TTC17: variants seen among roughly 807,000 people sequenced by gnomAD.
TTC17 encodes the protein tetratricopeptide repeat domain 17, also known as tetratricopeptide repeat protein 17.
In TTC17, 58 loss-of-function variants were observed where a neutral mutation model predicts 143.8. The observed-to-expected ratio is 0.40, with a 90% CI of 0.33 to 0.50. The LOEUF is 0.50. Among genes scored for constraint, TTC17 ranks in the 20% least tolerant of loss-of-function variants. The probability of loss-of-function intolerance (pLI) is 0.49; values close to 1 mark genes in which losing one functional copy is unlikely to be tolerated. For missense variants in TTC17, 1,273 were observed against 1,392.5 expected (o/e 0.91, Z 1.37); for synonymous variants, 501 against 497.8 (o/e 1.01, Z -0.09).
chr11:43,437,272 T>G (rs1051761383), intron 16 of TTC17, among the ~76,000 whole-genome samples: 1 of 152,214 alleles, frequency 6.6e-6, no homozygotes, highest in Admixed American at 6.5e-5. Flanking sequence ...GGCACCACTG[T>G]ATCCAGTCAG....
At chr11:43,423,013 T>A (rs1032022205) in intron 16 of TTC17, among the ~76,000 whole-genome samples, 1 of 152,030 alleles carries the variant, frequency 6.6e-6, no homozygotes, top group Non-Finnish European at 1.5e-5. Flanking sequence ...AATTCTTGAG[T>A]AGACAGGAGG....
chr11:43,377,377 A>C (rs745873614), intron 1 of TTC17, among the ~76,000 whole-genome samples: 2 of 152,216 alleles, frequency 1.3e-5, no homozygotes, highest in Non-Finnish European at 1.5e-5. Flanking sequence ...TTGGCATATA[A>C]CTGTATTTAC....
Position 43,398,889 on chromosome 11 carries a change from A to G in TTC17, c.1058+776A>G, listed in dbSNP as rs186714692. On this transcript the variant is annotated intron_variant, in intron 8 of 23. Transcript: ENST00000039989. The stretch of plus-strand genomic sequence containing the variant: ...TGTGGTAGGAAGTAAAAAGGATGCC[A>G]GCTTGCTTATTCATAACTGGTTTCT... Among the ~76,000 whole-genome samples, 49 of 152,348 alleles carry G rather than the reference A, an allele frequency of 3.2e-4. No individual in the cohort carries two copies. The Middle Eastern group carries it at 0.01, about 32-fold the overall frequency.
chr11:43,417,031 A>G (rs974726796), intron 16 of TTC17, among the ~76,000 whole-genome samples: 27 of 152,200 alleles, frequency 1.8e-4, no homozygotes, highest in African/African-American at 5.8e-4. Flanking sequence ...TATGTATGCT[A>G]TAGCATTTTC....
chr11:43,384,345 G>A (rs1328698456), intron 2 of TTC17, among the ~76,000 whole-genome samples: 1 of 152,124 alleles, frequency 6.6e-6, no homozygotes, highest in Admixed American at 6.6e-5. Context: ...ATGGTTTCTT[G>A]TTTTGGTTTT....
intron 21 of TTC17, among the ~76,000 whole-genome samples, chr11:43,473,894 A>G (rs1948136420): frequency 6.6e-6 from 1 of 151,838 alleles, no homozygotes; most frequent in South Asian, 2.1e-4. Flanking sequence ...AAAAAAAAAA[A>G]AAAAAGAAAG....
Position 43,492,156 on chromosome 11 carries a change from T to A in TTC17, c.3287T>A (p.Val1096Glu), listed in dbSNP as rs1265346198. The part of the protein sequence containing the change: ...VNHFTLGNVY[V>E]AMEEFEKALV... ...CACTTCACTCTGGGCAATGTCTACG[T>A]GGCAATGGTGAGATGGGGGTGTGAG... Residue 1096 changes from valine to glutamate, a missense_variant, in exon 23 of 24, where the codon GTG becomes GAG. Coordinates refer to ENST00000039989, the MANE Select transcript of TTC17 (RefSeq NM_018259.6). The A allele has an allele frequency of 2.5e-6, 4 of 1,614,058 alleles. No individual in the cohort carries two copies. Among genetic ancestry groups the A allele is most frequent in the Non-Finnish European group, 3.4e-6 (4 of 1,179,954 alleles).
intron 16 of TTC17, chr11:43,436,086 G>C (rs1947286071): frequency 8.4e-7 from 1 of 1,192,010 alleles, no homozygotes; most frequent in Non-Finnish European, 1.1e-6. Flanking sequence ...TGCTCTTCTT[G>C]ATATTTTAGG....
At position 43,401,518 on chromosome 11, in the gene TTC17, A is replaced by C; in HGVS notation, c.1292A>C (p.Tyr431Ser). The change falls in exon 10 of 24, where the codon TAT (tyrosine) becomes TCT (serine). Residue 431 changes from tyrosine to serine, a missense_variant. Tyr to Ser is a moderately radical substitution (Grantham distance 144). This residue lies in a region of TTC17 where 878 missense variants were observed against 899.8 expected (regional missense o/e 0.98). Coordinates refer to ENST00000039989, the MANE Select transcript of TTC17 (RefSeq NM_018259.6). Reference sequence around the variant, plus strand: ...TGCCAGTGGGACCAGCCTGTACGCTATCATCGTGGAGATATCTTTGAAAAT... The same window carrying C: ...TGCCAGTGGGACCAGCCTGTACGCTCTCATCGTGGAGATATCTTTGAAAAT... ...LHCQWDQPVR[Y>S]HRGDIFENVD... 1 of 1,613,576 alleles carries C rather than the reference A, an allele frequency of 6.2e-7. No homozygotes were observed. The highest frequency in any genetic ancestry group is 1.1e-5 in the South Asian group (1 of 90,926).
intron 2 of TTC17, among the ~76,000 whole-genome samples, chr11:43,389,195 G>A (rs1857287392): frequency 6.6e-6 from 1 of 152,000 alleles, no homozygotes; most frequent in Non-Finnish European, 1.5e-5. Context: ...ATAGATACGG[G>A]TGGTGAAAAT....
At chr11:43,416,130 T>A (rs1946772962) in intron 16 of TTC17, among the ~76,000 whole-genome samples, 1 of 152,170 alleles carries the variant, frequency 6.6e-6, no homozygotes, top group Admixed American at 6.6e-5. Context: ...TTGTGAATTT[T>A]TATCTTCTTA....
intron 21 of TTC17, among the ~76,000 whole-genome samples, chr11:43,489,579 A>G (rs919045960): frequency 1.3e-5 from 2 of 152,098 alleles, no homozygotes; most frequent in Admixed American, 1.3e-4. Context: ...CTCTACTAAA[A>G]ATACAAAAAT....
At chr11:43,387,950 A>G (rs946520609) in intron 2 of TTC17, among the ~76,000 whole-genome samples, 13 of 152,232 alleles carry the variant, frequency 8.5e-5, no homozygotes, top group African/African-American at 3.1e-4. Flanking sequence ...AAAACCAAAC[A>G]TTGCTAAGAT....
At chr11:43,423,838 G>C (rs569897068) in intron 16 of TTC17, among the ~76,000 whole-genome samples, 68 of 152,206 alleles carry the variant, frequency 4.5e-4, no homozygotes, top group Non-Finnish European at 7.5e-4. Flanking sequence ...GGGTTTAACA[G>C]TTTAGAAATC....
Position 43,399,951 on chromosome 11 carries a change from A to T in TTC17, c.1122A>T (p.Arg374Ser). The change falls in exon 9 of 24, where the codon AGA (arginine) becomes AGT (serine). Residue 374 changes from arginine to serine, a missense_variant. Transcript: ENST00000039989. The part of the protein sequence containing the change: ...EYQKQHDHYL[R>S]QQEILEKHKL... Reference sequence around the variant, plus strand: ...AAAAGCAGCATGACCACTACCTGAGACAGCAGGAAATCCTAGAAAAACATA... The same window carrying T: ...AAAAGCAGCATGACCACTACCTGAGTCAGCAGGAAATCCTAGAAAAACATA... 1 of 1,614,078 alleles carries T rather than the reference A, an allele frequency of 6.2e-7. No homozygotes were observed. Among genetic ancestry groups the T allele is most frequent in the Non-Finnish European group, 8.5e-7 (1 of 1,179,954 alleles).
intron 16 of TTC17, among the ~76,000 whole-genome samples, chr11:43,421,322 C>A (rs1441574008): frequency 6.6e-6 from 1 of 152,188 alleles, no homozygotes; most frequent in East Asian, 1.9e-4. Context: ...GGCTTTCCAT[C>A]TGTGGTGGAG....
intron 21 of TTC17, among the ~76,000 whole-genome samples, chr11:43,456,520 A>G (rs891847096): frequency 2.0e-5 from 3 of 152,248 alleles, no homozygotes; most frequent in African/African-American, 4.8e-5. Flanking sequence ...AGGTCAGTGC[A>G]TTACAGTAAC....
intron 22 of TTC17, 116 bp from the exon 23 acceptor site, chr11:43,491,904 G>C: frequency 7.3e-7 from 1 of 1,369,550 alleles, no homozygotes; most frequent in Admixed American, 1.9e-5. Context: ...ACTTTGAGTG[G>C]CACTGTTCTA....
At chr11:43,404,654 A>G (rs1229638383) in intron 11 of TTC17, among the ~76,000 whole-genome samples, 5 of 152,192 alleles carry the variant, frequency 3.3e-5, no homozygotes, top group African/African-American at 4.8e-5. Context: ...ATACCAAGGT[A>G]TGAGGACAGA....
Sources: allele counts gnomAD v4.1 joint callset (sites outside exome capture counted in the v4.1 genomes callset), GRCh38; gene constraint gnomAD v4.1.1; regional missense constraint gnomAD v4.1.1; transcripts MANE v1.5; gene names NCBI Gene and HGNC (gene_info 2026-07-23, HGNC 2026-07-21).